The following CPAMD8 variants were observed in gnomAD, a reference collection of about 807,000 sequenced individuals.
The protein encoded by CPAMD8 is C3 and PZP-like alpha-2-macroglobulin domain-containing protein 8.
A neutral mutation model predicts 224.7 loss-of-function variants in CPAMD8; 146 were observed. The observed-to-expected ratio is 0.65, with a 90% CI of 0.57 to 0.75. The LOEUF (loss-of-function observed/expected upper bound fraction) is 0.75. Ranked by LOEUF, CPAMD8 falls within the 30% of genes least tolerant of loss-of-function variation. The probability of loss-of-function intolerance (pLI) is 0.00; values close to 1 mark genes in which losing one functional copy is unlikely to be tolerated. For missense variants in CPAMD8, 2,301 were observed against 2,537.5 expected (o/e 0.91, Z 2.00); for synonymous variants, 966 against 1,044.6 (o/e 0.92, Z 1.45).
chr19:16,914,758 C>T lies in CPAMD8; in HGVS notation c.3685G>A (p.Asp1229Asn), dbSNP rs2052879144. The change falls in exon 28 of 42, where the codon GAC (aspartate) becomes AAC (asparagine). Residue 1229 changes from aspartate to asparagine, a missense_variant. Physicochemically the swap from Asp to Asn is conservative, Grantham distance 23. This residue lies in a region of CPAMD8 where 1,709 missense variants were observed against 1,753.2 expected (regional missense o/e 0.97). Transcript: ENST00000443236. ...TTGGCGGCAGCCAGCTCCCGGGGGT[C>T]CACGAAGATAAAGCTGCGAGCCTGT... ...FAQARSFIFV[D>N]PRELAAAKSW... The T allele has an allele frequency of 1.2e-6, 2 of 1,613,940 alleles. No homozygotes were observed. Among genetic ancestry groups the T allele is most frequent in the Non-Finnish European group, 1.7e-6 (2 of 1,179,982 alleles).
At chr19:16,973,087 T>G in intron 17 of CPAMD8, among the ~76,000 whole-genome samples, 1 of 152,008 alleles carries the variant, frequency 6.6e-6, no homozygotes, top group East Asian at 1.9e-4. Flanking sequence ...GAGGATCGCT[T>G]GAGCCCAGGA....
At chr19:16,941,570 T>A (rs2053890164) in intron 22 of CPAMD8, among the ~76,000 whole-genome samples, 1 of 152,216 alleles carries the variant, frequency 6.6e-6, no homozygotes, top group African/African-American at 2.4e-5. Flanking sequence ...TGAATTGTAA[T>A]CCTCAATGTT....
chr19:16,937,080 C>CCTTCCTTT (rs1419859202), intron 23 of CPAMD8, among the ~76,000 whole-genome samples: 1 of 149,148 alleles, frequency 6.7e-6, no homozygotes, highest in Non-Finnish European at 1.5e-5. Flanking sequence ...TTCCTTCCTT[C>CCTTCCTTT]CTTCCTTCCT....
Position 16,904,210 on chromosome 19 carries a change from G to A in CPAMD8, c.4251+16C>T. On this transcript the variant is annotated intron_variant, in intron 32 of 41. Coordinates refer to ENST00000443236, the MANE Select transcript of CPAMD8 (RefSeq NM_015692.5). Reference sequence around the variant, plus strand: ...ACCCAGCCCTGAGCCCCTCCCTCTGGCCCTGCCCGGCTCGCCTGAGTGGAG... The same window carrying A: ...ACCCAGCCCTGAGCCCCTCCCTCTGACCCTGCCCGGCTCGCCTGAGTGGAG... 1 of 1,347,012 alleles carries A rather than the reference G, an allele frequency of 7.4e-7. No individual in the cohort carries two copies. Among genetic ancestry groups the A allele is most frequent in the Non-Finnish European group, 1.0e-6 (1 of 999,884 alleles). The allele number at this position is 1,347,012 out of a possible 1,614,324, so 83.4% of individuals were successfully genotyped here.
rs1471672721 is a variant in CPAMD8, at chr19:16,975,079, G to A, written c.2070+18C>T. The A allele has an allele frequency of 1.9e-6, 3 of 1,608,574 alleles. No homozygotes were observed. The Admixed American group carries it at 5.1e-5, about 27-fold the overall frequency. ...AACTTAGAAGGGGGCAGAGGGATCT[G>A]AGACCACCTCTCCTTACGGTGAAGG... is the stretch of plus-strand genomic sequence containing the variant. On this transcript the variant is annotated intron_variant, in intron 17 of 41. Coordinates refer to ENST00000443236, the MANE Select transcript of CPAMD8 (RefSeq NM_015692.5).
At chr19:16,941,557 T>A (rs1168157016) in intron 22 of CPAMD8, among the ~76,000 whole-genome samples, 1 of 152,198 alleles carries the variant, frequency 6.6e-6, no homozygotes, top group East Asian at 1.9e-4. Context: ...CCAAATCTCA[T>A]GTTGAATTGT....
At chr19:16,973,134 A>G (rs1314575621) in intron 17 of CPAMD8, among the ~76,000 whole-genome samples, 2 of 152,156 alleles carry the variant, frequency 1.3e-5, no homozygotes, top group African/African-American at 2.4e-5. Flanking sequence ...ACGCCACTGC[A>G]TACCAGCCTG....
intron 41 of CPAMD8, 58 bp from the exon 42 acceptor site, chr19:16,893,397 G>A: frequency 8.3e-7 from 1 of 1,208,236 alleles, no homozygotes; most frequent in African/African-American, 1.5e-5. Context: ...CGGGGCCTCG[G>A]GCTGAGGAAG....
chr19:17,014,835 T>C (rs778255761), intron 3 of CPAMD8, among the ~76,000 whole-genome samples: 3 of 152,200 alleles, frequency 2.0e-5, no homozygotes, highest in Non-Finnish European at 4.4e-5. Context: ...CCTCCCTCTA[T>C]GTGACCGGTA....
intron 22 of CPAMD8, among the ~76,000 whole-genome samples, chr19:16,941,081 C>T (rs944215113): frequency 6.6e-6 from 1 of 152,284 alleles, no homozygotes; most frequent in African/African-American, 2.4e-5. Flanking sequence ...CAGGTGCCTG[C>T]CACCACACCT....
chr19:16,992,388 G>C (rs1028737813), intron 12 of CPAMD8, among the ~76,000 whole-genome samples: 2 of 152,028 alleles, frequency 1.3e-5, no homozygotes, highest in African/African-American at 4.8e-5. Flanking sequence ...CCAGGAGTTT[G>C]AGACCAGCCT....
At position 16,977,497 on chromosome 19, in the gene CPAMD8, G is replaced by A. The variant is rs1317170777; in HGVS notation, c.1629C>T (p.Thr543=). ...TGGGGGTCACGGCCAGATGAAGAGA[G>A]GTCACACACACGTCGACCTCAGCTT... ...APEAEVDVCV[T]SLHLAVTPSM... The change falls in exon 15 of 42, where the codon ACC becomes ACT. Residue 543 remains threonine (T), a synonymous_variant. Coordinates refer to ENST00000443236, the MANE Select transcript of CPAMD8 (RefSeq NM_015692.5). 6.2e-7 allele frequency: 1 copy of A among 1,610,020 alleles called. No individual in the cohort carries two copies. Among genetic ancestry groups the A allele is most frequent in the South Asian group, 1.1e-5 (1 of 90,640 alleles).
intron 14 of CPAMD8, among the ~76,000 whole-genome samples, chr19:16,980,275 C>T (rs773127590): frequency 3.3e-5 from 5 of 152,176 alleles, no homozygotes; most frequent in Admixed American, 6.6e-5. Flanking sequence ...CCCCTGCACA[C>T]ACAGAGTGAG....
chr19:16,900,458 C>T (rs1478372514), intron 36 of CPAMD8, among the ~76,000 whole-genome samples: 1 of 151,922 alleles, frequency 6.6e-6, no homozygotes, highest in African/African-American at 2.4e-5. Context: ...ATTAGCTGGG[C>T]GTGGTGGTGC....
chr19:16,922,077 C>T (rs534747253), intron 26 of CPAMD8, 91 bp from the exon 27 acceptor site: 203 of 809,148 alleles, frequency 2.5e-4, no homozygotes, highest in African/African-American at 1.2e-3. Flanking sequence ...GTCCCCTACC[C>T]CGGATCTCCG....
intron 12 of CPAMD8, among the ~76,000 whole-genome samples, chr19:16,991,358 GGGACCCCT>G (rs2055943433): frequency 6.6e-6 from 1 of 152,136 alleles, no homozygotes; most frequent in Admixed American, 6.6e-5. Flanking sequence ...AGGTGGCCCG[GGGACCCCT>G]GGACTTGCAG....
intron 14 of CPAMD8, among the ~76,000 whole-genome samples, chr19:16,979,484 ATCCT>A (rs376754857): frequency 5.5e-5 from 6 of 109,528 alleles, no homozygotes; most frequent in African/African-American, 1.4e-4. Flanking sequence ...CCATCCATCC[ATCCT>A]TCTGTCCATC....
chr19:17,011,827 T>A, intron 3 of CPAMD8, 70 bp from the exon 4 acceptor site: 1 of 1,526,238 alleles, frequency 6.6e-7, no homozygotes, highest in Non-Finnish European at 8.8e-7. Flanking sequence ...GGGGAAGGAG[T>A]TTGGAGGCCT....
intron 25 of CPAMD8, among the ~76,000 whole-genome samples, chr19:16,926,045 T>C (rs1260775372): frequency 6.6e-6 from 1 of 152,000 alleles, no homozygotes; most frequent in East Asian, 1.9e-4. Context: ...ACAGGCGTGA[T>C]CCACTGCACC....
Sources: gnomAD v4.1 joint callset for allele counts (sites outside exome capture counted in the v4.1 genomes callset) on GRCh38, gnomAD v4.1.1 for gene constraint, gnomAD v4.1.1 regional missense constraint, MANE v1.5 for transcripts, NCBI Gene and HGNC (gene_info 2026-07-23, HGNC 2026-07-21) for gene names.